JARID2: variants seen among roughly 807,000 people sequenced by gnomAD.
JARID2 encodes the protein protein Jumonji.
Under a neutral mutation model 125.6 loss-of-function variants are expected in JARID2, and 21 were observed. The observed-to-expected ratio is 0.17, with a 90% CI of 0.12 to 0.24. The LOEUF (loss-of-function observed/expected upper bound fraction) is 0.24. JARID2 is among the 10% of genes least tolerant of loss of function. JARID2 has a pLI of 1.00. For missense variants in JARID2, 1,303 were observed against 1,639.6 expected (o/e 0.79, Z 3.55); for synonymous variants, 736 against 661.6 (o/e 1.11, Z -1.73).
intron 2 of JARID2, among the ~76,000 whole-genome samples, chr6:15,384,371 A>ATT (rs370485500): frequency 0.089 from 12,092 of 135,346 alleles, 697 homozygotes; most frequent in South Asian, 0.14. Context: ...GCCCACTTTG[A>ATT]TTTTTTTTTT....
rs563427247 is a variant in JARID2 at position 15,487,147 on chromosome 6, C to T, written c.671-160C>T. On this transcript the variant is annotated intron_variant, in intron 5 of 17. Coordinates refer to ENST00000341776, the MANE Select transcript of JARID2 (RefSeq NM_004973.4). ...ACGAGAACAGCATAGGGGAAACTGC[C>T]TCCATGATCCAGTCACCTCCCACCA... Among the ~76,000 whole-genome samples the T allele has an allele frequency of 1.4e-3, 214 of 152,214 alleles. 2 individuals carry two copies. The highest frequency in any genetic ancestry group is 5.0e-3 in the African/African-American group (209 of 41,548).
At chr6:15,488,355 G>C (rs566944691) in intron 6 of JARID2, among the ~76,000 whole-genome samples, 1 of 152,218 alleles carries the variant, frequency 6.6e-6, no homozygotes, top group Non-Finnish European at 1.5e-5. Flanking sequence ...CCGGACAGGT[G>C]GCATTTCACT....
At chr6:15,504,430 G>A (rs1443872961) in intron 8 of JARID2, 70 bp from the exon 9 acceptor site, 3 of 1,138,346 alleles carry the variant, frequency 2.6e-6, no homozygotes, top group Admixed American at 1.7e-5. Context: ...CCCATGACAG[G>A]TGTCTGGCCT....
chr6:15,288,224 T>A (rs1245861209), intron 1 of JARID2, among the ~76,000 whole-genome samples: 1 of 151,604 alleles, frequency 6.6e-6, no homozygotes, highest in African/African-American at 2.4e-5. Flanking sequence ...CTGCTTAGCT[T>A]CTGGGGAAGC....
chr6:15,312,425 G>C (rs2127428794), intron 1 of JARID2, among the ~76,000 whole-genome samples: 1 of 152,272 alleles, frequency 6.6e-6, no homozygotes, highest in East Asian at 1.9e-4. Flanking sequence ...GGTGTACACT[G>C]TGATAACTTA....
chr6:15,512,446 G>A lies in JARID2; in HGVS notation c.3135+56G>A. 4.6e-6 allele frequency: 7 copies of A among 1,530,610 alleles called. No individual in the cohort carries two copies. The South Asian group carries it at 7.9e-5, about 17-fold the overall frequency. The allele number at this position is 1,530,610 out of a possible 1,614,324, so 94.8% of individuals were successfully genotyped here. ...GCCCCCGCATCCCTGTGAGTGCCGT[G>A]CGTGAGCGCACACAGAAGCATCCCT... On this transcript the variant is annotated intron_variant, in intron 14 of 17. Coordinates refer to ENST00000341776, the MANE Select transcript of JARID2 (RefSeq NM_004973.4).
intron 3 of JARID2, among the ~76,000 whole-genome samples, chr6:15,413,922 G>A (rs1488674248): frequency 6.6e-6 from 1 of 152,206 alleles, no homozygotes; most frequent in African/African-American, 2.4e-5. Flanking sequence ...CATGAACTTT[G>A]GGGGCCACAT....
At chr6:15,325,121 C>A (rs1420250310) in intron 1 of JARID2, among the ~76,000 whole-genome samples, 1 of 152,050 alleles carries the variant, frequency 6.6e-6, no homozygotes, top group Non-Finnish European at 1.5e-5. Flanking sequence ...ACCACCTTTA[C>A]TTCCTCTTCA....
At position 15,288,730 on chromosome 6, in the gene JARID2, G is replaced by A. The variant is rs187020281; in HGVS notation, c.45+42146G>A. Reference sequence around the variant, plus strand: ...AGCTTGATCCTTTGCAAAAATGAGGGAGTTCCCTCCTAAGACCCCTTTGAG... The same window carrying A: ...AGCTTGATCCTTTGCAAAAATGAGGAAGTTCCCTCCTAAGACCCCTTTGAG... On this transcript the variant is annotated intron_variant, in intron 1 of 17. Transcript: ENST00000341776. 1.2e-4 allele frequency among the ~76,000 whole-genome samples: 19 copies of A among 152,306 alleles called. No individual in the cohort carries two copies. In the East Asian group the frequency reaches 3.5e-3, roughly 28 times the overall value.
rs1771351472 is a variant in JARID2 at position 15,513,028 on chromosome 6, C to T, written c.3249C>T (p.Ala1083=). The change falls in exon 15 of 18, where the codon GCC becomes GCT. Residue 1083 remains alanine, a synonymous_variant. Coordinates refer to ENST00000341776, the MANE Select transcript of JARID2 (RefSeq NM_004973.4). The part of the protein sequence containing the change: ...ENGPTLSTIS[A]LLDELRDTEL... Reference sequence around the variant, plus strand: ...GTCCCACTCTCAGTACCATCTCAGCCCTCCTGGATGAGCTCAGGTAACAGA... The same window carrying T: ...GTCCCACTCTCAGTACCATCTCAGCTCTCCTGGATGAGCTCAGGTAACAGA... 6.2e-7 allele frequency: 1 copy of T among 1,614,102 alleles called. No individual in the cohort carries two copies. Among genetic ancestry groups the T allele is most frequent in the Non-Finnish European group, 8.5e-7 (1 of 1,180,018 alleles).
intron 12 of JARID2, among the ~76,000 whole-genome samples, chr6:15,508,784 CGTTTT>C (rs1561914730): frequency 6.6e-6 from 1 of 152,182 alleles, no homozygotes; most frequent in African/African-American, 2.4e-5. Context: ...TGTTTTGTTT[CGTTTT>C]GTTTTGTTAT....
At chr6:15,501,658 G>A (rs72837828) in intron 8 of JARID2, among the ~76,000 whole-genome samples, 1,801 of 152,196 alleles carry the variant, frequency 0.012, 14 homozygotes, top group Non-Finnish European at 0.017. Flanking sequence ...GTCCAATATC[G>A]AGGAACCTAG....
intron 1 of JARID2, among the ~76,000 whole-genome samples, chr6:15,294,857 G>A (rs2127401088): frequency 6.6e-6 from 1 of 152,320 alleles, no homozygotes; most frequent in Non-Finnish European, 1.5e-5. Context: ...TCTCCTGGAA[G>A]ATATCTGGGA....
intron 1 of JARID2, among the ~76,000 whole-genome samples, chr6:15,346,373 CAT>C (rs1352207169): frequency 6.6e-6 from 1 of 152,118 alleles, no homozygotes; most frequent in Non-Finnish European, 1.5e-5. Context: ...TCTTAATTGT[CAT>C]ATATAGTGGA....
rs112303618 is a variant in JARID2, at chr6:15,520,689, GCA to G, written c.*454_*455del. On this transcript the variant is annotated 3_prime_UTR_variant, in exon 18 of 18. Coordinates refer to ENST00000341776, the MANE Select transcript of JARID2 (RefSeq NM_004973.4). ...TTTAGAAGGGATAGGAGACACACGC[GCA>G]CACACACACACACACGAAACTTGAA... 2,878 of 373,528 alleles carry G rather than the reference GCA, an allele frequency of 7.7e-3. No individual in the cohort carries two copies. Among genetic ancestry groups the G allele is most frequent in the East Asian group, 0.018 (195 of 10,898 alleles). 23.1% of individuals were successfully genotyped at this position (373,528 alleles called of 1,614,324 possible).
chr6:15,462,388 A>G (rs1192551641), intron 4 of JARID2, among the ~76,000 whole-genome samples: 1 of 152,210 alleles, frequency 6.6e-6, no homozygotes, highest in Non-Finnish European at 1.5e-5. Flanking sequence ...TTGTGCATGC[A>G]TGAACATGTG....
chr6:15,413,740 G>A (rs1473632187), intron 3 of JARID2, among the ~76,000 whole-genome samples: 1 of 152,140 alleles, frequency 6.6e-6, no homozygotes, highest in Non-Finnish European at 1.5e-5. Flanking sequence ...CTGAGTAGCT[G>A]GGACTACAGT....
intron 1 of JARID2, among the ~76,000 whole-genome samples, chr6:15,299,990 G>T (rs1761546960): frequency 6.6e-6 from 1 of 152,106 alleles, no homozygotes; most frequent in Non-Finnish European, 1.5e-5. Flanking sequence ...TGAACTGCCT[G>T]TTTCCTCCCA....
intron 1 of JARID2, among the ~76,000 whole-genome samples, chr6:15,363,519 T>G (rs1279111438): frequency 6.6e-6 from 1 of 152,208 alleles, no homozygotes; most frequent in Non-Finnish European, 1.5e-5. Context: ...CCTGTTTCCC[T>G]GTGTTGTGTC....
Sources: allele counts gnomAD v4.1 joint callset (sites outside exome capture counted in the v4.1 genomes callset), GRCh38; gene constraint gnomAD v4.1.1; transcripts MANE v1.5; gene names NCBI Gene and HGNC (gene_info 2026-07-23, HGNC 2026-07-21).